Variants in SNTB2 observed in about 807,000 individuals in gnomAD.
SNTB2 encodes beta-2-syntrophin.
In SNTB2, 34 loss-of-function variants were observed where a neutral mutation model predicts 46.2. The ratio of observed to expected loss-of-function variants is 0.74; its 90% CI spans 0.56 to 0.98. The LOEUF (loss-of-function observed/expected upper bound fraction) is 0.98, where lower values mean the gene tolerates loss of function less well. SNTB2 is among the 50% of genes least tolerant of loss of function. The pLI is 0.00. For missense variants in SNTB2, 603 were observed against 731.4 expected (o/e 0.82, Z 2.02); for synonymous variants, 290 against 312.6 (o/e 0.93, Z 0.76).
chr16:69,203,367 C>T (rs1252372847), intron 1 of SNTB2, among the ~76,000 whole-genome samples: 1 of 152,078 alleles, frequency 6.6e-6, no homozygotes, highest in East Asian at 1.9e-4. Flanking sequence ...CAGGGTCTCA[C>T]TCTGTCTCCT....
intron 3 of SNTB2, among the ~76,000 whole-genome samples, chr16:69,261,756 C>T (rs761942519): frequency 2.0e-5 from 3 of 152,140 alleles, no homozygotes; most frequent in Non-Finnish European, 4.4e-5. Context: ...AAAAAGGTAG[C>T]ACGTTCACAT....
At chr16:69,245,405 G>A (rs1201294524) in intron 1 of SNTB2, among the ~76,000 whole-genome samples, 197 bp from the exon 2 acceptor site, 2 of 152,060 alleles carry the variant, frequency 1.3e-5, no homozygotes, top group East Asian at 3.9e-4. Context: ...ACGTTGACCA[G>A]GCTGGCCTTG....
intron 5 of SNTB2, among the ~76,000 whole-genome samples, chr16:69,290,408 T>TA (rs1965149089): frequency 6.6e-6 from 1 of 152,182 alleles, no homozygotes; most frequent in East Asian, 1.9e-4. Context: ...GTTTTGATGA[T>TA]ATGAAGACTA....
chr16:69,264,930 G>A (rs1298567929), intron 3 of SNTB2, among the ~76,000 whole-genome samples: 2 of 152,166 alleles, frequency 1.3e-5, no homozygotes, highest in Non-Finnish European at 2.9e-5. Flanking sequence ...CAGTGATAAG[G>A]AAGAACTTAA....
intron 1 of SNTB2, among the ~76,000 whole-genome samples, chr16:69,213,278 A>G (rs1964307855): frequency 6.6e-6 from 1 of 152,084 alleles, no homozygotes; most frequent in South Asian, 2.1e-4. Context: ...GGGTGATTTC[A>G]TGTGTGTCCT....
intron 2 of SNTB2, among the ~76,000 whole-genome samples, chr16:69,251,510 G>A (rs1168161548): frequency 6.7e-6 from 1 of 150,214 alleles, no homozygotes; most frequent in Non-Finnish European, 1.5e-5. Context: ...CAGGCACAGT[G>A]GCTGACGCCT....
At chr16:69,255,427 G>A (rs1003205464) in intron 2 of SNTB2, among the ~76,000 whole-genome samples, 3 of 152,084 alleles carry the variant, frequency 2.0e-5, no homozygotes, top group African/African-American at 7.2e-5. Flanking sequence ...CTGGCATGGT[G>A]GTGGTGCCTG....
chr16:69,213,852 T>C (rs1316099647), intron 1 of SNTB2, among the ~76,000 whole-genome samples: 1 of 124,286 alleles, frequency 8.0e-6, no homozygotes, highest in East Asian at 2.5e-4. Flanking sequence ...TTTGAGACTC[T>C]CACTCTGTTG....
At chr16:69,292,642 G>A (rs1248670654) in intron 5 of SNTB2, among the ~76,000 whole-genome samples, 2 of 143,372 alleles carry the variant, frequency 1.4e-5, no homozygotes, top group Admixed American at 7.0e-5. Flanking sequence ...TAGTAGAGGC[G>A]GGGTTTCACC....
intron 4 of SNTB2, among the ~76,000 whole-genome samples, chr16:69,273,494 T>G (rs1964957332): frequency 6.6e-6 from 1 of 152,182 alleles, no homozygotes; most frequent in South Asian, 2.1e-4. Flanking sequence ...ACATACTGTA[T>G]TTTTCCATTT....
At chr16:69,259,137 A>T (rs1964808258) in intron 2 of SNTB2, among the ~76,000 whole-genome samples, 1 of 151,570 alleles carries the variant, frequency 6.6e-6, no homozygotes, top group South Asian at 2.1e-4. Context: ...AAGTTCCCTC[A>T]GCTTATTACA....
chr16:69,196,489 C>T (rs1032885464), intron 1 of SNTB2, among the ~76,000 whole-genome samples: 4 of 151,386 alleles, frequency 2.6e-5, no homozygotes, highest in Non-Finnish European at 4.4e-5. Flanking sequence ...ATTCTCCTGC[C>T]TCAGCCTCCT....
intron 1 of SNTB2, among the ~76,000 whole-genome samples, chr16:69,236,158 C>T (rs1296386070): frequency 6.6e-6 from 1 of 152,048 alleles, no homozygotes; most frequent in African/African-American, 2.4e-5. Context: ...TTTTCTTGTG[C>T]AAGCAGTTTA....
intron 2 of SNTB2, among the ~76,000 whole-genome samples, chr16:69,255,877 CAA>C (rs778719826): frequency 7.7e-5 from 8 of 104,532 alleles, no homozygotes; most frequent in East Asian, 2.9e-4. Flanking sequence ...AACTCTGTCT[CAA>C]AAAAAAAAAA....
Position 69,236,499 on chromosome 16 carries a change from G to A in SNTB2, c.581-9103G>A, listed in dbSNP as rs12597805. ...GAATGGTGGTTGCCAGGGGATAGGGGAATGGGGAGTAATTGTTTAGTGGGT... is the reference window on the plus strand; with the variant it reads ...GAATGGTGGTTGCCAGGGGATAGGGAAATGGGGAGTAATTGTTTAGTGGGT... On this transcript the variant is annotated intron_variant, in intron 1 of 6. Transcript: ENST00000336278. Among the ~76,000 whole-genome samples the A allele has an allele frequency of 9.1e-3, 1,386 of 152,220 alleles. 55 individuals carry two copies. Among genetic ancestry groups the A allele is most frequent in the East Asian group, 0.065 (337 of 5,176 alleles).
At chr16:69,218,827 A>G (rs376517342) in intron 1 of SNTB2, among the ~76,000 whole-genome samples, 5 of 152,180 alleles carry the variant, frequency 3.3e-5, no homozygotes, top group South Asian at 2.1e-4. Flanking sequence ...TGTTATTCAT[A>G]ATAAGGTTGT....
At chr16:69,267,541 A>T (rs1011275166) in intron 3 of SNTB2, among the ~76,000 whole-genome samples, 11 of 152,238 alleles carry the variant, frequency 7.2e-5, no homozygotes, top group Non-Finnish European at 1.6e-4. Flanking sequence ...AGACTAATAT[A>T]GTCTTGGAAA....
In SNTB2 at chr16:69,283,977, G is replaced by A. The variant is rs1597199933; in HGVS notation, c.1149-71G>A. 3 of 1,384,376 alleles carry A rather than the reference G, an allele frequency of 2.2e-6. No homozygotes were observed. In the East Asian group the frequency reaches 7.0e-5, roughly 32 times the overall value. 85.8% of individuals were successfully genotyped at this position (1,384,376 alleles called of 1,614,324 possible). A position where few individuals can be genotyped will look rare whatever the true frequency, so the allele number is the denominator to read the frequency against. Reference sequence around the variant, plus strand: ...GCTTTTATAAGTTTCTCTTATCAATGAGCACAAATTCCTGACATTTTTGTC... The same window carrying A: ...GCTTTTATAAGTTTCTCTTATCAATAAGCACAAATTCCTGACATTTTTGTC... On this transcript the variant is annotated intron_variant, in intron 4 of 6. Coordinates refer to ENST00000336278, the MANE Select transcript of SNTB2 (RefSeq NM_006750.4).
intron 2 of SNTB2, among the ~76,000 whole-genome samples, chr16:69,253,849 G>A (rs1964748283): frequency 6.6e-6 from 1 of 152,118 alleles, no homozygotes; most frequent in Non-Finnish European, 1.5e-5. Flanking sequence ...TCAGAACTCA[G>A]ACTGTGTCAA....
Sources: allele counts gnomAD v4.1 joint callset (sites outside exome capture counted in the v4.1 genomes callset), GRCh38; gene constraint gnomAD v4.1.1; transcripts MANE v1.5; gene names NCBI Gene and HGNC (gene_info 2026-07-23, HGNC 2026-07-21).